Variants in LSM12 observed in about 807,000 individuals in gnomAD.
LSM12 encodes LSM12 homolog.
For missense variants in LSM12, 108 were observed against 238.9 expected, an observed-to-expected ratio of 0.45 and a Z score of 3.61; for synonymous variants, 74 against 87.3, an observed-to-expected ratio of 0.85 and a Z score of 0.85.
chr17:44,040,783 G>C (rs190375031), intron 2 of LSM12, among the ~76,000 whole-genome samples: 4 of 150,160 alleles, frequency 2.7e-5, no homozygotes, highest in Non-Finnish European at 4.4e-5. Flanking sequence ...GACCAGCCTG[G>C]CCAAGATGGT....
At chr17:44,046,759 CTTTT>C (rs35839029) in intron 2 of LSM12, among the ~76,000 whole-genome samples, 1 of 68,360 alleles carries the variant, frequency 1.5e-5, no homozygotes, top group Non-Finnish European at 2.7e-5. Context: ...TTTTTTTTTT[CTTTT>C]TTTTTTTTTT....
intron 2 of LSM12, among the ~76,000 whole-genome samples, chr17:44,047,613 A>G (rs536628323): frequency 1.3e-5 from 2 of 151,674 alleles, no homozygotes; most frequent in Non-Finnish European, 2.9e-5. Flanking sequence ...CCCAGGCTGG[A>G]GTGTACTGGC....
intron 3 of LSM12, among the ~76,000 whole-genome samples, chr17:44,038,653 C>CA (rs2049447327): frequency 2.0e-5 from 3 of 151,482 alleles, no homozygotes; most frequent in East Asian, 2.0e-4. Flanking sequence ...GACTCCGACT[C>CA]AAAAAAAAGA....
intron 2 of LSM12, among the ~76,000 whole-genome samples, chr17:44,042,566 ATTTTT>A (rs72404001): frequency 1.7e-5 from 2 of 115,446 alleles, no homozygotes; most frequent in East Asian, 2.7e-4. Flanking sequence ...CCCCCAGCTA[ATTTTT>A]TTTTTTTTTT....
At position 44,066,429 on chromosome 17, in the gene LSM12, C is replaced by A. The variant is rs201137147; in HGVS notation, c.124+35G>T. 85 of 1,542,568 alleles carry A rather than the reference C, an allele frequency of 5.5e-5. No homozygotes were observed. The African/African-American group carries it at 1.1e-3, about 20-fold the overall frequency. On this transcript the variant is annotated intron_variant, in intron 1 of 4. Transcript: ENST00000293406. Reference sequence around the variant, plus strand: ...CCCCCCGACCACCGCACCTACACGCCGGCCCGGACTCGGGCTTCACGCAGG... The same window carrying A: ...CCCCCCGACCACCGCACCTACACGCAGGCCCGGACTCGGGCTTCACGCAGG...
chr17:44,050,988 G>A (rs544204790), intron 2 of LSM12, among the ~76,000 whole-genome samples: 1 of 152,190 alleles, frequency 6.6e-6, no homozygotes, highest in Non-Finnish European at 1.5e-5. Flanking sequence ...CAAATTAGCT[G>A]GGGGGCTGGA....
At chr17:44,038,934 G>T (rs1338059556) in intron 3 of LSM12, among the ~76,000 whole-genome samples, 1 of 152,176 alleles carries the variant, frequency 6.6e-6, no homozygotes, top group South Asian at 2.1e-4. Flanking sequence ...GATCCAGGGT[G>T]GTTAAACAGA....
At chr17:44,067,105 G>A (rs936992932), upstream of LSM12, among the ~76,000 whole-genome samples, 3 of 152,118 alleles carry the variant, frequency 2.0e-5, no homozygotes, top group African/African-American at 7.2e-5. Context: ...TTCGAGACCA[G>A]CCTGGCCAAC....
chr17:44,054,583 G>C (rs541698402), intron 2 of LSM12, among the ~76,000 whole-genome samples: 10 of 152,214 alleles, frequency 6.6e-5, no homozygotes, highest in Admixed American at 5.9e-4. Flanking sequence ...TGGGACTACA[G>C]GTGTGAGTCA....
chr17:44,061,317 CAAAA>C (rs11306333), intron 2 of LSM12, among the ~76,000 whole-genome samples: 1 of 96,064 alleles, frequency 1.0e-5, no homozygotes, highest in East Asian at 3.0e-4. Flanking sequence ...AACTCCATCT[CAAAA>C]AAAAAAAAAA....
At chr17:44,061,198 T>C (rs1296345451) in intron 2 of LSM12, among the ~76,000 whole-genome samples, 1 of 151,180 alleles carries the variant, frequency 6.6e-6, no homozygotes, top group Non-Finnish European at 1.5e-5. Flanking sequence ...ATGCCTGTAA[T>C]CCCAGCTACT....
At chr17:44,054,448 G>A (rs545614386) in intron 2 of LSM12, among the ~76,000 whole-genome samples, 2 of 152,114 alleles carry the variant, frequency 1.3e-5, no homozygotes, top group East Asian at 3.9e-4. Context: ...AAGTAGCTGG[G>A]ACCACAGGCA....
chr17:44,059,912 C>T (rs1257820996), intron 2 of LSM12, among the ~76,000 whole-genome samples: 1 of 152,168 alleles, frequency 6.6e-6, no homozygotes, highest in East Asian at 1.9e-4. Context: ...AGCCTGTAAT[C>T]CCAGCACTTT....
At chr17:44,055,068 T>A (rs2049693580) in intron 2 of LSM12, among the ~76,000 whole-genome samples, 1 of 151,908 alleles carries the variant, frequency 6.6e-6, no homozygotes, top group Admixed American at 6.6e-5. Context: ...GCCAGACTGG[T>A]CTCAAACTCC....
chr17:44,039,468 G>A (rs976237021), intron 3 of LSM12, among the ~76,000 whole-genome samples: 17 of 123,780 alleles, frequency 1.4e-4, no homozygotes, highest in Non-Finnish European at 2.1e-4. Context: ...TGCAAGCTCC[G>A]CCTCCCGGGT....
intron 2 of LSM12, among the ~76,000 whole-genome samples, chr17:44,052,665 A>G (rs2144096348): frequency 6.6e-6 from 1 of 152,118 alleles, no homozygotes; most frequent in East Asian, 1.9e-4. Flanking sequence ...AGGCTGAGGC[A>G]GGAGAATCGC....
At chr17:44,041,284 A>AC (rs1290820141) in intron 2 of LSM12, among the ~76,000 whole-genome samples, 1 of 123,246 alleles carries the variant, frequency 8.1e-6, no homozygotes, top group Non-Finnish European at 1.6e-5. Context: ...AAAAAAAAAA[A>AC]AAACAAACAC....
chr17:44,046,569 T>C (rs1057341700), intron 2 of LSM12, among the ~76,000 whole-genome samples: 70 of 150,660 alleles, frequency 4.6e-4, no homozygotes, highest in African/African-American at 1.6e-3. Context: ...CAGCCGGGGA[T>C]GGTGGCGGGC....
chr17:44,038,768 G>A (rs370219030), intron 3 of LSM12, among the ~76,000 whole-genome samples: 30 of 152,300 alleles, frequency 2.0e-4, no homozygotes, highest in African/African-American at 7.0e-4. Flanking sequence ...TCAGACAGTT[G>A]GGCACTTGCC....
Sources: allele counts gnomAD v4.1 joint callset (sites outside exome capture counted in the v4.1 genomes callset), GRCh38; gene constraint gnomAD v4.1.1; transcripts MANE v1.5; gene names NCBI Gene and HGNC (gene_info 2026-07-23, HGNC 2026-07-21).